The following SKP2 variants were observed in gnomAD, a reference collection of about 807,000 sequenced individuals.
SKP2 encodes S-phase kinase-associated protein 2.
SKP2 carries 16 observed loss-of-function variants against 51.8 expected under a neutral mutation model. The observed-to-expected ratio is 0.31, with a 90% CI of 0.21 to 0.47. The LOEUF (loss-of-function observed/expected upper bound fraction) is 0.47, where lower values mean the gene tolerates loss of function less well. Ranked by LOEUF, SKP2 falls within the 20% of genes least tolerant of loss-of-function variation. The pLI is 1.00. For missense variants in SKP2, 377 were observed against 505.3 expected, an observed-to-expected ratio of 0.75 and a Z score of 2.43; for synonymous variants, 176 against 198.6, an observed-to-expected ratio of 0.89 and a Z score of 0.96.
intron 6 of SKP2, among the ~76,000 whole-genome samples, chr5:36,190,412 CA>C (rs1396894815): frequency 6.6e-6 from 1 of 151,770 alleles, no homozygotes; most frequent in African/African-American, 2.4e-5. Flanking sequence ...AATATATTTA[CA>C]AAACATTTGA....
downstream of SKP2, among the ~76,000 whole-genome samples, chr5:36,186,857 T>G (rs113469725): frequency 0.059 from 9,014 of 152,262 alleles, 942 homozygotes; most frequent in African/African-American, 0.21. Flanking sequence ...AATTTGGCTG[T>G]GAATCTATCT....
At chr5:36,154,822 T>C (rs372892386) in intron 2 of SKP2, among the ~76,000 whole-genome samples, 382 of 152,320 alleles carry the variant, frequency 2.5e-3, no homozygotes, top group African/African-American at 8.7e-3. Context: ...ATTACAGGCA[T>C]GAGCCACCAC....
chr5:36,152,888 G>T lies in SKP2; in HGVS notation c.126G>T (p.Glu42Asp), dbSNP rs1279192529. ...LLSGMGVSAL[E>D]KEEPDSENIP... ...CAGGCATGGGGGTCTCCGCCCTGGA[G>T]AAAGAGGAGCCCGACAGTGAGAACA... The change falls in exon 2 of 10, where the codon GAG (glutamate) becomes GAT (aspartate). Residue 42 changes from glutamate (E) to aspartate (D), a missense_variant. Glu to Asp is a conservative substitution (Grantham distance 45, BLOSUM62 2). This residue lies in a region of SKP2 where 115 missense variants were observed against 115.5 expected (regional missense o/e 1.00). Transcript: ENST00000274255. 6.2e-7 allele frequency: 1 copy of T among 1,613,986 alleles called. No individual in the cohort carries two copies. The highest frequency in any genetic ancestry group is 1.3e-5 in the African/African-American group (1 of 74,868).
intron 6 of SKP2, among the ~76,000 whole-genome samples, chr5:36,192,415 A>G (rs1316237389): frequency 6.6e-6 from 1 of 152,202 alleles, no homozygotes; most frequent in African/African-American, 2.4e-5. Context: ...TATTGGTACA[A>G]TGGAATGAAT....
At position 36,182,636 on chromosome 5, in the gene SKP2, C is replaced by T; in HGVS notation, c.*605C>T. The T allele has an allele frequency of 1.0e-6, 1 of 981,428 alleles. No homozygotes were observed. Among genetic ancestry groups the T allele is most frequent in the Non-Finnish European group, 1.2e-6 (1 of 826,398 alleles). The allele number at this position is 981,428 out of a possible 1,614,324, so 60.8% of individuals were successfully genotyped here. A position where few individuals can be genotyped will look rare whatever the true frequency, so the allele number is the denominator to read the frequency against. The stretch of plus-strand genomic sequence containing the variant: ...ATTCACCTTAAAACTTAACAAAAGA[C>T]CAAACATTACAAAACCCAGAGATAT... On this transcript the variant is annotated 3_prime_UTR_variant, in exon 10 of 10. Transcript: ENST00000274255.
At chr5:36,193,318 TA>T (rs1250681991) in intron 7 of SKP2, 2 of 151,520 alleles carry the variant, frequency 1.3e-5, no homozygotes, top group Non-Finnish European at 2.9e-5. Context: ...CTACTAAAAA[TA>T]CAAAAAATTA....
At chr5:36,169,274 G>A (rs1381194596) in intron 5 of SKP2, among the ~76,000 whole-genome samples, 1 of 151,984 alleles carries the variant, frequency 6.6e-6, no homozygotes, top group East Asian at 1.9e-4. Flanking sequence ...GTGAAATCCT[G>A]TCTCTACTAA....
chr5:36,179,745 T>C (rs1287021738), intron 9 of SKP2, among the ~76,000 whole-genome samples: 1 of 152,172 alleles, frequency 6.6e-6, no homozygotes, highest in East Asian at 1.9e-4. Flanking sequence ...TCAATATACA[T>C]AAGACATTGG....
At chr5:36,161,317 G>C (rs1385186774) in intron 2 of SKP2, among the ~76,000 whole-genome samples, 1 of 142,382 alleles carries the variant, frequency 7.0e-6, no homozygotes, top group African/African-American at 2.6e-5. Flanking sequence ...AAGCGTTTTT[G>C]TTTCTCAAGA....
rs751705361 is a variant in SKP2, at chr5:36,180,260, A to G, written c.1062-1558A>G. Reference sequence around the variant, plus strand: ...ACGTTTCCCAAGTTTCACATGAGGGATTCAAAGTTGGAGCTGGATTGCTGT... The same window carrying G: ...ACGTTTCCCAAGTTTCACATGAGGGGTTCAAAGTTGGAGCTGGATTGCTGT... On this transcript the variant is annotated intron_variant, in intron 9 of 9. Transcript: ENST00000274255. 4.4e-6 allele frequency: 6 copies of G among 1,348,378 alleles called. No individual in the cohort carries two copies. In the South Asian group the frequency reaches 4.5e-5, roughly 10 times the overall value. 83.5% of individuals were successfully genotyped at this position (1,348,378 alleles called of 1,614,324 possible). A position where few individuals can be genotyped will look rare whatever the true frequency, so the allele number is the denominator to read the frequency against.
At chr5:36,192,214 TTTAATG>T (rs562607988) in intron 6 of SKP2, among the ~76,000 whole-genome samples, 36 of 152,300 alleles carry the variant, frequency 2.4e-4, no homozygotes, top group Non-Finnish European at 4.4e-4. Context: ...CTTGAGTACT[TTTAATG>T]TTAAAGTCAA....
chr5:36,153,108 C>A, intron 2 of SKP2, 66 bp downstream of exon 2: 5 of 1,497,934 alleles, frequency 3.3e-6, no homozygotes, highest in East Asian at 2.3e-5. Flanking sequence ...GTTGGGAAAC[C>A]TTTGTTCAGA....
rs911650414 is a variant in SKP2, at chr5:36,163,660, C to G, written c.296C>G (p.Ser99Cys). ...CCCTCCAAAGGTGTTTCATGGGACT[C>G]CCTTCCGGATGAGCTGCTCTTGGGA... The part of the protein sequence containing the change: ...RENFPGVSWD[S>C]LPDELLLGIF... The change falls in exon 3 of 10, where the codon TCC (serine) becomes TGC (cysteine). Residue 99 changes from serine (S) to cysteine (C), a missense_variant. Coordinates refer to ENST00000274255, the MANE Select transcript of SKP2 (RefSeq NM_005983.4). 6.2e-7 allele frequency: 1 copy of G among 1,612,814 alleles called. No homozygotes were observed. The highest frequency in any genetic ancestry group is 1.3e-5 in the African/African-American group (1 of 74,998).
intron 9 of SKP2, among the ~76,000 whole-genome samples, chr5:36,177,623 T>C (rs1745676135): frequency 6.6e-6 from 1 of 151,756 alleles, no homozygotes; most frequent in Non-Finnish European, 1.5e-5. Context: ...GCAGACCCAA[T>C]GTGGGTTAGT....
At chr5:36,180,145 G>A in intron 9 of SKP2, 1 of 543,342 alleles carries the variant, frequency 1.8e-6, no homozygotes. Flanking sequence ...TCCACCTACA[G>A]TTTCTTCCCT....
downstream of SKP2, among the ~76,000 whole-genome samples, chr5:36,188,976 T>G (rs1261284996): frequency 6.6e-6 from 1 of 152,208 alleles, no homozygotes; most frequent in Non-Finnish European, 1.5e-5. Context: ...TCATTCATTT[T>G]ATCTTCAATC....
chr5:36,177,406 A>C (rs765178468), intron 9 of SKP2, 114 bp downstream of exon 9: 2 of 750,754 alleles, frequency 2.7e-6, no homozygotes, highest in East Asian at 5.0e-5. Flanking sequence ...ATTAGTAATA[A>C]GTATACCACA....
intron 6 of SKP2, among the ~76,000 whole-genome samples, chr5:36,190,087 G>A (rs1374447257): frequency 6.6e-6 from 1 of 152,126 alleles, no homozygotes; most frequent in Non-Finnish European, 1.5e-5. Flanking sequence ...TATTAGGGTG[G>A]GAGTGACCCG....
At chr5:36,188,411 G>T (rs953040207), downstream of SKP2, among the ~76,000 whole-genome samples, 2 of 152,222 alleles carry the variant, frequency 1.3e-5, no homozygotes, top group Non-Finnish European at 1.5e-5. Flanking sequence ...AGGAGCTCTT[G>T]CAGGGCAGGC....
Sources: gnomAD v4.1 joint callset for allele counts (sites outside exome capture counted in the v4.1 genomes callset) on GRCh38, gnomAD v4.1.1 for gene constraint, gnomAD v4.1.1 regional missense constraint, MANE v1.5 for transcripts, NCBI Gene and HGNC (gene_info 2026-07-23, HGNC 2026-07-21) for gene names.